RBMS3: variants seen among roughly 807,000 people sequenced by gnomAD.
RBMS3 encodes RNA binding motif single stranded interacting protein 3.
Under a neutral mutation model 66.8 loss-of-function variants are expected in RBMS3, and 27 were observed. The observed-to-expected ratio is 0.40, with a 90% CI of 0.30 to 0.56. RBMS3 has a LOEUF of 0.56. Among genes scored for constraint, RBMS3 ranks in the 20% least tolerant of loss-of-function variants. The pLI is 0.40. For synonymous variants in RBMS3, 188 were observed against 183.0 expected, an observed-to-expected ratio of 1.03 and a Z score of -0.22; for missense variants, 513 against 549.5, an observed-to-expected ratio of 0.93 and a Z score of 0.66.
intron 6 of RBMS3, among the ~76,000 whole-genome samples, chr3:29,821,205 T>G (rs953102981): frequency 6.6e-6 from 1 of 152,206 alleles, no homozygotes; most frequent in African/African-American, 2.4e-5. Flanking sequence ...ACAATTTGAT[T>G]TTTCTTTTAT....
chr3:29,969,318 T>C (rs76558831), intron 12 of RBMS3, among the ~76,000 whole-genome samples: 16,057 of 152,242 alleles, frequency 0.11, 1,563 homozygotes, highest in African/African-American at 0.23. Flanking sequence ...TAAATTCATA[T>C]GATCTCCCCA....
intron 10 of RBMS3, among the ~76,000 whole-genome samples, chr3:29,900,759 G>T (rs1559782670): frequency 6.6e-6 from 1 of 151,754 alleles, no homozygotes; most frequent in Non-Finnish European, 1.5e-5. Flanking sequence ...AAGTATACAT[G>T]CTATGCATTA....
intron 7 of RBMS3, among the ~76,000 whole-genome samples, chr3:29,874,105 C>T (rs1418539748): frequency 1.3e-5 from 2 of 152,142 alleles, no homozygotes; most frequent in East Asian, 3.9e-4. Flanking sequence ...GCATCCAGCT[C>T]ATTAAACATT....
At chr3:29,853,718 C>T (rs13097617) in intron 6 of RBMS3, among the ~76,000 whole-genome samples, 45,859 of 152,000 alleles carry the variant, frequency 0.3, 7,112 homozygotes, top group Non-Finnish European at 0.34. Context: ...CCTTCCCAGC[C>T]AGGCTTAGGG....
intron 4 of RBMS3, among the ~76,000 whole-genome samples, chr3:29,672,025 G>A (rs2051024877): frequency 6.6e-6 from 1 of 152,140 alleles, no homozygotes; most frequent in Non-Finnish European, 1.5e-5. Flanking sequence ...TATGTTAAGG[G>A]CAGCCAGAGA....
intron 4 of RBMS3, among the ~76,000 whole-genome samples, chr3:29,739,381 G>A (rs1432329495): frequency 2.0e-5 from 3 of 151,580 alleles, no homozygotes; most frequent in East Asian, 1.9e-4. Flanking sequence ...GCGTGAACCC[G>A]GGAAGCAGAG....
chr3:29,581,539 A>C (rs564990107), intron 3 of RBMS3, among the ~76,000 whole-genome samples: 1 of 152,298 alleles, frequency 6.6e-6, no homozygotes, highest in African/African-American at 2.4e-5. Flanking sequence ...AAGGTGGGGA[A>C]GGATTTATGG....
chr3:29,957,978 C>A (rs148263236), intron 12 of RBMS3, among the ~76,000 whole-genome samples: 30 of 152,196 alleles, frequency 2.0e-4, no homozygotes, highest in Middle Eastern at 3.4e-3. Flanking sequence ...CAAGTAATGT[C>A]TTTTAGTTCT....
At chr3:29,876,174 G>T (rs2059607122) in intron 7 of RBMS3, among the ~76,000 whole-genome samples, 1 of 152,072 alleles carries the variant, frequency 6.6e-6, no homozygotes, top group Non-Finnish European at 1.5e-5. Flanking sequence ...AGGGCCTCCA[G>T]GTTTTCAGCT....
At chr3:29,707,793 A>G (rs926848554) in intron 4 of RBMS3, among the ~76,000 whole-genome samples, 10 of 152,256 alleles carry the variant, frequency 6.6e-5, no homozygotes, top group African/African-American at 2.4e-4. Flanking sequence ...TGGAAAGACT[A>G]TCAAGTGCCA....
chr3:29,665,331 T>C (rs1220713711), intron 4 of RBMS3, among the ~76,000 whole-genome samples: 1 of 152,226 alleles, frequency 6.6e-6, no homozygotes, highest in Non-Finnish European at 1.5e-5. Flanking sequence ...TTATTTAATT[T>C]TGTCATTTTT....
chr3:29,342,184 C>T (rs1448354773), intron 1 of RBMS3, among the ~76,000 whole-genome samples: 2 of 152,064 alleles, frequency 1.3e-5, no homozygotes, highest in African/African-American at 2.4e-5. Flanking sequence ...GAAGTGGAGG[C>T]TTCAGGTGTG....
chr3:29,761,311 A>G (rs2055676422), intron 5 of RBMS3, among the ~76,000 whole-genome samples: 2 of 152,128 alleles, frequency 1.3e-5, no homozygotes, highest in African/African-American at 4.8e-5. Context: ...GTCAGAGAAT[A>G]ATTATAGCTC....
At chr3:29,367,661 A>C (rs2037982628) in intron 1 of RBMS3, among the ~76,000 whole-genome samples, 1 of 152,152 alleles carries the variant, frequency 6.6e-6, no homozygotes, top group Non-Finnish European at 1.5e-5. Context: ...CTTTTTGTTT[A>C]TTGCTGACTT....
intron 4 of RBMS3, among the ~76,000 whole-genome samples, chr3:29,669,590 A>G (rs1318937781): frequency 6.6e-6 from 1 of 152,196 alleles, no homozygotes; most frequent in Admixed American, 6.5e-5. Context: ...TGACTGGTAG[A>G]TAAAAATTAT....
chr3:29,408,054 C>A (rs370318858), intron 1 of RBMS3, among the ~76,000 whole-genome samples: 1 of 151,892 alleles, frequency 6.6e-6, no homozygotes, highest in Non-Finnish European at 1.5e-5. Flanking sequence ...GGGCAGATCA[C>A]GAGGTCAGGA....
intron 7 of RBMS3, among the ~76,000 whole-genome samples, chr3:29,878,298 A>T (rs572308775): frequency 6.6e-6 from 1 of 152,028 alleles, no homozygotes; most frequent in East Asian, 1.9e-4. Context: ...GAGACCCCTG[A>T]TCTAGTAGGT....
chr3:29,821,787 A>G (rs1212501215), intron 6 of RBMS3, among the ~76,000 whole-genome samples: 1 of 152,188 alleles, frequency 6.6e-6, no homozygotes, highest in Admixed American at 6.6e-5. Context: ...TCAGAGTACC[A>G]GAAGAAAATA....
intron 4 of RBMS3, among the ~76,000 whole-genome samples, chr3:29,724,847 A>G (rs930675072): frequency 6.6e-6 from 1 of 152,172 alleles, no homozygotes; most frequent in Non-Finnish European, 1.5e-5. Flanking sequence ...CTAACAAAAA[A>G]TAGCACTTTA....
Sources: allele counts gnomAD v4.1 joint callset (sites outside exome capture counted in the v4.1 genomes callset), GRCh38; gene constraint gnomAD v4.1.1; transcripts MANE v1.5; gene names NCBI Gene and HGNC (gene_info 2026-07-23, HGNC 2026-07-21).